Variants in FOXP2 observed in about 807,000 individuals in gnomAD.
The protein encoded by FOXP2 is forkhead box protein P2.
FOXP2 carries 12 observed loss-of-function variants against 115.8 expected under a neutral mutation model. The observed-to-expected ratio is 0.10, with a 90% CI of 0.07 to 0.17. The LOEUF (loss-of-function observed/expected upper bound fraction) is 0.17, where lower values mean the gene tolerates loss of function less well. Among genes scored for constraint, FOXP2 ranks in the 10% least tolerant of loss-of-function variants. The pLI is 1.00. For synonymous variants in FOXP2, 328 were observed against 297.7 expected (o/e 1.10, Z -1.05); for missense variants, 629 against 843.5 (o/e 0.75, Z 3.15).
At chr7:114,165,241 C>T (rs113981753) in intron 1 of FOXP2, among the ~76,000 whole-genome samples, 4 of 152,226 alleles carry the variant, frequency 2.6e-5, no homozygotes, top group African/African-American at 9.6e-5. Flanking sequence ...GGTTCCTTCT[C>T]ACCTCTCCTA....
At chr7:114,392,038 C>T (rs774023965) in intron 2 of FOXP2, among the ~76,000 whole-genome samples, 2 of 152,074 alleles carry the variant, frequency 1.3e-5, no homozygotes, top group South Asian at 2.1e-4. Flanking sequence ...TCTTTAATAC[C>T]GTGCCTGACA....
intron 2 of FOXP2, among the ~76,000 whole-genome samples, chr7:114,517,245 A>G (rs1025352316): frequency 3.9e-5 from 6 of 152,044 alleles, no homozygotes; most frequent in Admixed American, 6.6e-5. Context: ...TATGTTGAAT[A>G]TTTAACTTAC....
rs188533228 is a variant in FOXP2, at chr7:114,169,768, C to T, written c.-102+6680C>T. On this transcript the variant is annotated intron_variant, in intron 1 of 17. Coordinates refer to the FOXP2 transcript ENST00000634411. ...TACCTTGTAGCTCCCATAATTCCCACGTGTTGTGGGAGGGACCCGGTGGGA... is the reference window on the plus strand; with the variant it reads ...TACCTTGTAGCTCCCATAATTCCCATGTGTTGTGGGAGGGACCCGGTGGGA... Among the ~76,000 whole-genome samples the T allele has an allele frequency of 2.7e-3, 409 of 152,212 alleles. 2 individuals are homozygous for T. Among genetic ancestry groups the T allele is most frequent in the African/African-American group, 8.9e-3 (368 of 41,536 alleles).
chr7:114,387,898 A>G (rs1272597768), intron 2 of FOXP2, among the ~76,000 whole-genome samples: 1 of 152,168 alleles, frequency 6.6e-6, no homozygotes, highest in Non-Finnish European at 1.5e-5. Context: ...ACAATAAAAG[A>G]TTTTGAAATT....
chr7:114,140,054 A>G (rs1792161638), intron 1 of FOXP2, among the ~76,000 whole-genome samples: 1 of 152,154 alleles, frequency 6.6e-6, no homozygotes, highest in African/African-American at 2.4e-5. Flanking sequence ...TGGAGGTTGC[A>G]GTGAGCTGAG....
chr7:114,647,266 T>C (rs1156851604), intron 8 of FOXP2, among the ~76,000 whole-genome samples: 1 of 151,660 alleles, frequency 6.6e-6, no homozygotes, highest in Non-Finnish European at 1.5e-5. Context: ...TCACATTACA[T>C]CTCAAACAAA....
At chr7:114,273,279 T>C (rs1327107728) in intron 1 of FOXP2, among the ~76,000 whole-genome samples, 1 of 152,038 alleles carries the variant, frequency 6.6e-6, no homozygotes, top group East Asian at 1.9e-4. Flanking sequence ...ATTTCTAGGT[T>C]AATGCTTTTG....
chr7:114,159,460 A>AT (rs898134179), upstream of FOXP2, among the ~76,000 whole-genome samples: 44 of 150,862 alleles, frequency 2.9e-4, no homozygotes, highest in South Asian at 6.3e-4. Context: ...CCAACAAATG[A>AT]TTTTTTTTTC....
intron 9 of FOXP2, 74 bp from the exon 10 acceptor site, chr7:114,653,851 TA>T: frequency 7.1e-7 from 1 of 1,409,204 alleles, no homozygotes. Context: ...AGCTCAATGA[TA>T]AGATGTATCA....
At chr7:114,477,622 A>G (rs1410356946) in intron 2 of FOXP2, among the ~76,000 whole-genome samples, 1 of 151,906 alleles carries the variant, frequency 6.6e-6, no homozygotes, top group East Asian at 1.9e-4. Flanking sequence ...AACCTGCCAC[A>G]TGTACCCCCT....
At chr7:114,430,618 T>C (rs984759920) in intron 2 of FOXP2, among the ~76,000 whole-genome samples, 2 of 151,808 alleles carry the variant, frequency 1.3e-5, no homozygotes, top group African/African-American at 2.4e-5. Flanking sequence ...GATATTTTCC[T>C]TTTTTACAAC....
intron 1 of FOXP2, among the ~76,000 whole-genome samples, chr7:114,270,833 T>G (rs568402434): frequency 1.3e-5 from 2 of 152,258 alleles, no homozygotes; most frequent in Non-Finnish European, 2.9e-5. Flanking sequence ...GTCCACTTTA[T>G]CAGTTATTTA....
chr7:114,467,557 A>G lies in FOXP2; in HGVS notation c.168+40878A>G, dbSNP rs556637449. On this transcript the variant is annotated intron_variant, in intron 2 of 16. Transcript: ENST00000350908. ...TAAGTTGCAACTATTGCAACTGTGAAGAGTTAATCTCTCACTTATACCTCC... is the reference window on the plus strand; with the variant it reads ...TAAGTTGCAACTATTGCAACTGTGAGGAGTTAATCTCTCACTTATACCTCC... 6.6e-4 allele frequency among the ~76,000 whole-genome samples: 101 copies of G among 152,260 alleles called. No individual in the cohort carries two copies. In the South Asian group the frequency reaches 7.3e-3, roughly 11 times the overall value.
At chr7:114,187,566 C>T (rs562768039) in intron 1 of FOXP2, among the ~76,000 whole-genome samples, 1 of 152,316 alleles carries the variant, frequency 6.6e-6, no homozygotes, top group East Asian at 1.9e-4. Context: ...TCTGAGCTGA[C>T]AAAAGAATTG....
At chr7:114,243,799 A>G (rs910615067) in intron 1 of FOXP2, among the ~76,000 whole-genome samples, 8 of 152,142 alleles carry the variant, frequency 5.3e-5, no homozygotes, top group African/African-American at 1.4e-4. Flanking sequence ...CTCTTCTGGT[A>G]TGTTTGGACA....
At chr7:114,331,022 AGTCTTT>A (rs1282640173) in intron 2 of FOXP2, among the ~76,000 whole-genome samples, 1 of 152,174 alleles carries the variant, frequency 6.6e-6, no homozygotes, top group Non-Finnish European at 1.5e-5. Context: ...ATTCTTATGA[AGTCTTT>A]GTGTTTGGCA....
chr7:114,131,449 A>G (rs1791872916), intron 1 of FOXP2, among the ~76,000 whole-genome samples: 1 of 151,976 alleles, frequency 6.6e-6, no homozygotes, highest in Non-Finnish European at 1.5e-5. Flanking sequence ...TATCTAAGTG[A>G]CCTCTTTGTA....
intron 1 of FOXP2, among the ~76,000 whole-genome samples, chr7:114,098,183 T>C (rs1433870287): frequency 6.6e-6 from 1 of 152,090 alleles, no homozygotes; most frequent in East Asian, 1.9e-4. Context: ...CCTGGAGAAA[T>C]TGGCCAGGGG....
chr7:114,303,057 C>T (rs996843003), intron 2 of FOXP2, among the ~76,000 whole-genome samples: 3 of 152,132 alleles, frequency 2.0e-5, no homozygotes, highest in African/African-American at 7.2e-5. Flanking sequence ...TGCCCAGACA[C>T]CTGAGTCACA....
Sources: allele counts gnomAD v4.1 joint callset (sites outside exome capture counted in the v4.1 genomes callset), GRCh38; gene constraint gnomAD v4.1.1; transcripts MANE v1.5; gene names NCBI Gene and HGNC (gene_info 2026-07-23, HGNC 2026-07-21).